Variants in AGMO observed in about 807,000 individuals in gnomAD.
AGMO encodes glyceryl-ether monooxygenase.
Under a neutral mutation model 60.2 loss-of-function variants are expected in AGMO, and 75 were observed. The ratio of observed to expected loss-of-function variants is 1.25; its 90% confidence interval spans 1.03 to 1.51. The LOEUF (loss-of-function observed/expected upper bound fraction) is 1.51, where lower values mean the gene tolerates loss of function less well. AGMO is among the 40% of genes most tolerant of loss of function. AGMO has a pLI of 0.00. For missense variants in AGMO, 763 were observed against 525.5 expected (o/e 1.45, Z -4.42); for synonymous variants, 261 against 177.1 (o/e 1.47, Z -3.76).
At chr7:15,165,451 G>C in the AGMO span, among the ~76,000 whole-genome samples, 1 of 152,088 alleles carries the variant, frequency 6.6e-6, no homozygotes, top group Non-Finnish European at 1.5e-5. Context: ...CAGAGTTTGA[G>C]GGTAACTTAA....
At chr7:15,404,798 A>T (rs1026497303) in intron 5 of AGMO, among the ~76,000 whole-genome samples, 4 of 151,822 alleles carry the variant, frequency 2.6e-5, no homozygotes, top group Non-Finnish European at 1.5e-5. Flanking sequence ...TTAGTCAACA[A>T]ATATTATTGA....
At chr7:15,391,027 G>A in intron 6 of AGMO, 122 bp from the exon 7 acceptor site, 1 of 594,890 alleles carries the variant, frequency 1.7e-6, no homozygotes, top group Non-Finnish European at 2.9e-6. Flanking sequence ...CAATTTCCCT[G>A]GGAATGTCTT....
intron 10 of AGMO, among the ~76,000 whole-genome samples, chr7:15,380,419 A>G (rs1271119323): frequency 6.6e-6 from 1 of 152,170 alleles, no homozygotes; most frequent in South Asian, 2.1e-4. Context: ...AATTGCCACA[A>G]GAATAATAAA....
At position 15,356,624 on chromosome 7, in the gene AGMO, G is replaced by A. The variant is rs535328595; in HGVS notation, c.1263+8890C>T. On this transcript the variant is annotated intron_variant, in intron 12 of 12. Coordinates refer to ENST00000342526, the MANE Select transcript of AGMO (RefSeq NM_001004320.2). ...AAATATGAGTGGTATCACACAGACA[G>A]CAGATAATACAGTGTTATTAATACT... is the stretch of plus-strand genomic sequence containing the variant. 3.3e-5 allele frequency among the ~76,000 whole-genome samples: 5 copies of A among 152,018 alleles called. No individual in the cohort carries two copies. In the East Asian group the frequency reaches 7.7e-4, roughly 24 times the overall value.
At chr7:15,136,245 G>A in the AGMO span, among the ~76,000 whole-genome samples, 15 of 151,850 alleles carry the variant, frequency 9.9e-5, no homozygotes, top group East Asian at 1.7e-3. Flanking sequence ...TGCTTGCCTC[G>A]GCCTCCCAAA....
chr7:15,388,423 C>CAAT (rs370466616), intron 8 of AGMO, among the ~76,000 whole-genome samples: 4 of 151,802 alleles, frequency 2.6e-5, no homozygotes, highest in Non-Finnish European at 5.9e-5. Flanking sequence ...TGGGGCTTTG[C>CAAT]AATAATAATA....
At chr7:15,305,692 A>ATGCAACTAATT (rs1198823879) in intron 12 of AGMO, among the ~76,000 whole-genome samples, 1 of 152,028 alleles carries the variant, frequency 6.6e-6, no homozygotes, top group South Asian at 2.1e-4. Flanking sequence ...TACTGTAGAC[A>ATGCAACTAATT]TGCAACTAAT....
the AGMO span, among the ~76,000 whole-genome samples, chr7:15,174,341 C>T: frequency 2.5e-4 from 38 of 151,944 alleles, no homozygotes; most frequent in Non-Finnish European, 4.0e-4. Flanking sequence ...AGGGGAGGAA[C>T]GATCACTTTT....
In AGMO at chr7:15,201,176, GAAGA is replaced by G. The variant is rs1228446857; in HGVS notation, c.*105_*108del. 3.4e-6 allele frequency: 2 copies of G among 596,954 alleles called. No individual in the cohort carries two copies. Among genetic ancestry groups the G allele is most frequent in the Non-Finnish European group, 2.7e-6 (1 of 372,198 alleles). 37.0% of individuals were successfully genotyped at this position (596,954 alleles called of 1,614,324 possible). A position where few individuals can be genotyped will look rare whatever the true frequency, so the allele number is the denominator to read the frequency against. ...TAAATAAGTAATTTTACTTTTCATT[GAAGA>G]AATAGTTCATATAAGCATTACATAA... is the stretch of plus-strand genomic sequence containing the variant. On this transcript the variant is annotated 3_prime_UTR_variant, in exon 13 of 13. Coordinates refer to ENST00000342526, the MANE Select transcript of AGMO (RefSeq NM_001004320.2).
intron 12 of AGMO, among the ~76,000 whole-genome samples, chr7:15,304,003 C>T (rs1377430296): frequency 1.3e-5 from 2 of 152,108 alleles, no homozygotes; most frequent in Non-Finnish European, 2.9e-5. Context: ...TTTCCATGAA[C>T]TCCTAGAGGC....
At chr7:15,211,458 T>C (rs979556680) in intron 12 of AGMO, among the ~76,000 whole-genome samples, 1 of 151,994 alleles carries the variant, frequency 6.6e-6, no homozygotes, top group Non-Finnish European at 1.5e-5. Context: ...TTCTGCAAAG[T>C]GGCATAAAAC....
In AGMO at chr7:15,274,615, C is replaced by T. The variant is rs1413028633; in HGVS notation, c.1264-73256G>A. ...AAAATCAGTCAAGAAAGAATCTCTC[C>T]TTTATTTTTTTCAGTAAGTTTGGTA... On this transcript the variant is annotated intron_variant, in intron 12 of 12. Transcript: ENST00000342526. 8.6e-5 allele frequency among the ~76,000 whole-genome samples: 13 copies of T among 150,328 alleles called. No homozygotes were observed. In the South Asian group the frequency reaches 1.5e-3, roughly 17 times the overall value.
intron 3 of AGMO, among the ~76,000 whole-genome samples, chr7:15,450,957 T>C (rs182212369): frequency 6.6e-5 from 10 of 152,298 alleles, no homozygotes; most frequent in Admixed American, 3.9e-4. Flanking sequence ...AAAACTTCAA[T>C]AGATTATGCT....
chr7:15,476,902 T>G (rs1050602176), intron 3 of AGMO, among the ~76,000 whole-genome samples: 2 of 152,082 alleles, frequency 1.3e-5, no homozygotes, highest in African/African-American at 2.4e-5. Flanking sequence ...ATGATATAAA[T>G]GAAATACCTT....
intron 5 of AGMO, among the ~76,000 whole-genome samples, chr7:15,417,267 G>T (rs538643395): frequency 6.6e-6 from 1 of 152,182 alleles, no homozygotes; most frequent in East Asian, 1.9e-4. Context: ...GGAGGTTCTT[G>T]GCAAACAGGA....
At chr7:15,382,226 A>G (rs900890036) in intron 10 of AGMO, among the ~76,000 whole-genome samples, 2 of 152,320 alleles carry the variant, frequency 1.3e-5, no homozygotes, top group African/African-American at 2.4e-5. Flanking sequence ...AATCTCTATA[A>G]CAACTTTCTG....
At chr7:15,330,104 TTTC>T (rs1781457318) in intron 12 of AGMO, among the ~76,000 whole-genome samples, 1 of 152,200 alleles carries the variant, frequency 6.6e-6, no homozygotes, top group Non-Finnish European at 1.5e-5. Flanking sequence ...TATAAAATGA[TTTC>T]TTAAAAGTTT....
chr7:15,186,849 C>T, the AGMO span, among the ~76,000 whole-genome samples: 3 of 152,088 alleles, frequency 2.0e-5, no homozygotes, highest in African/African-American at 7.2e-5. Context: ...GATGTTTCTC[C>T]CACACAGTGG....
intron 8 of AGMO, among the ~76,000 whole-genome samples, chr7:15,388,392 A>C (rs944523210): frequency 6.6e-6 from 1 of 152,122 alleles, no homozygotes; most frequent in African/African-American, 2.4e-5. Context: ...GAATAGGTAA[A>C]TGTTAGGTGG....
Sources: gnomAD v4.1 joint callset for allele counts (sites outside exome capture counted in the v4.1 genomes callset) on GRCh38, gnomAD v4.1.1 for gene constraint, MANE v1.5 for transcripts, NCBI Gene and HGNC (gene_info 2026-07-23, HGNC 2026-07-21) for gene names.